FBF1: variants seen among roughly 807,000 people sequenced by gnomAD.
FBF1 encodes fas-binding factor 1.
Under a neutral mutation model 147.2 loss-of-function variants are expected in FBF1, and 119 were observed. The ratio of observed to expected loss-of-function variants is 0.81; its 90% CI spans 0.70 to 0.94. The LOEUF is 0.94. Among genes scored for constraint, FBF1 ranks in the 40% least tolerant of loss-of-function variants. FBF1 has a pLI of 0.00. For missense variants in FBF1, 1,449 were observed against 1,500.8 expected, an observed-to-expected ratio of 0.97 and a Z score of 0.57; for synonymous variants, 601 against 609.0, an observed-to-expected ratio of 0.99 and a Z score of 0.19.
At chr17:75,914,435 G>A (rs2065475371) in intron 25 of FBF1, 137 bp from the exon 26 acceptor site, 11 of 1,336,638 alleles carry the variant, frequency 8.2e-6, no homozygotes, top group Non-Finnish European at 8.0e-6. Flanking sequence ...GAGAGCCAGA[G>A]AAGCCTGGGG....
In FBF1 at chr17:75,914,286, G is replaced by A. The variant is rs368267518; in HGVS notation, c.2827C>T (p.Leu943=). The A allele has an allele frequency of 1.2e-4, 188 of 1,590,746 alleles. No homozygotes were observed. Among genetic ancestry groups the A allele is most frequent in the Non-Finnish European group, 1.4e-4 (164 of 1,173,356 alleles). Residue 943 remains leucine, a synonymous_variant, in exon 26 of 30, where the codon CTG becomes TTG. Coordinates refer to ENST00000636174, the MANE Select transcript of FBF1 (RefSeq NM_001319193.2). ...LISLAKEQAE[L]KIRASELRAE... The stretch of plus-strand genomic sequence containing the variant: ...CGGAGCTCGCTGGCCCTGATCTTCA[G>A]CTCAGCCTGCTCCTGGAGACAGCGG...
intron 6 of FBF1, 54 bp from the exon 7 acceptor site, chr17:75,930,101 C>CT: frequency 7.1e-7 from 1 of 1,410,998 alleles, no homozygotes; most frequent in Non-Finnish European, 9.8e-7. Context: ...TAGTCAAGGC[C>CT]CAATAAAACT....
In FBF1 at chr17:75,914,869, C is replaced by A; in HGVS notation, c.2692G>T (p.Ala898Ser). Reference sequence around the variant, plus strand: ...GCGGAGAACTCCGCCCACTCGGCAGCCAGGCGCCGCCGCTCCTCCCCGCAC... The same window carrying A: ...GCGGAGAACTCCGCCCACTCGGCAGACAGGCGCCGCCGCTCCTCCCCGCAC... ...LKCGEERRRL[A>S]AEWAEFSAQQ... The change falls in exon 25 of 30, where the codon GCT becomes TCT. Residue 898 changes from alanine to serine, a missense_variant. Ala to Ser is a moderately conservative substitution (Grantham distance 99, BLOSUM62 1). Transcript: ENST00000636174. The A allele has an allele frequency of 6.2e-7, 1 of 1,611,818 alleles. No individual in the cohort carries two copies. The highest frequency in any genetic ancestry group is 8.5e-7 in the Non-Finnish European group (1 of 1,179,668).
At position 75,914,142 on chromosome 17, in the gene FBF1, C is replaced by A; in HGVS notation, c.2971G>T (p.Glu991Ter). 2 of 1,602,002 alleles carry A rather than the reference C, an allele frequency of 1.2e-6. No individual in the cohort carries two copies. The highest frequency in any genetic ancestry group is 2.2e-5 in the East Asian group (1 of 44,580). ...AGCACCTTGCTCATGCTCTCCACCT[C>A]CTCGGCGCGGAGCTTGACACGCAGG... ...TALRVKLRAE[E>*]VESMSKVASE... Residue 991 changes from glutamate to a stop codon, truncating the protein, a stop_gained, in exon 26 of 30, where the codon GAG becomes TAG. Transcript: ENST00000636174. LOFTEE classifies it high-confidence loss of function.
Position 75,910,595 on chromosome 17 carries a change from G to A in FBF1, c.*128C>T, listed in dbSNP as rs370081000. 15 of 787,926 alleles carry A rather than the reference G, an allele frequency of 1.9e-5. No individual in the cohort carries two copies. Among genetic ancestry groups the A allele is most frequent in the Non-Finnish European group, 1.8e-5 (9 of 487,848 alleles). 48.8% of individuals were successfully genotyped at this position (787,926 alleles called of 1,614,324 possible). A position where few individuals can be genotyped will look rare whatever the true frequency, so the allele number is the denominator to read the frequency against. On this transcript the variant is annotated 3_prime_UTR_variant, in exon 30 of 30. Coordinates refer to ENST00000636174, the MANE Select transcript of FBF1 (RefSeq NM_001319193.2). This position sits in a 1 kb window ranked among gnomAD's most constrained non-coding sequence, Gnocchi z 4.1. ...AAGGATGCACTTGCACCCTGTCCAC[G>A]GAAGAGCTGTCATCAGGCCTCAAGC...
chr17:75,914,873 GCGC>G lies in FBF1; in HGVS notation c.2685_2687del (p.Arg896del), dbSNP rs1567857712. 1 of 1,611,808 alleles carries G rather than the reference GCGC, an allele frequency of 6.2e-7. No homozygotes were observed. Among genetic ancestry groups the G allele is most frequent in the Non-Finnish European group, 8.5e-7 (1 of 1,179,638 alleles). On this transcript the variant is annotated inframe_deletion, in exon 25 of 30. Coordinates refer to ENST00000636174, the MANE Select transcript of FBF1 (RefSeq NM_001319193.2). ...AGAACTCCGCCCACTCGGCAGCCAG[GCGC>G]CGCCGCTCCTCCCCGCACTTGAGCA...
At chr17:75,939,417 G>A (rs1386299125) in intron 1 of FBF1, among the ~76,000 whole-genome samples, 2 of 152,008 alleles carry the variant, frequency 1.3e-5, no homozygotes, top group African/African-American at 2.4e-5. Flanking sequence ...TGCAGCAAGT[G>A]GCAAGTACTC....
chr17:75,933,129 G>T, intron 4 of FBF1, 41 bp from the exon 5 acceptor site: 1 of 1,481,720 alleles, frequency 6.7e-7, no homozygotes, highest in South Asian at 1.2e-5. Flanking sequence ...TTTAACTAAA[G>T]GTACCTGGAG....
Position 75,913,815 on chromosome 17 carries a change from T to C in FBF1, c.3134A>G (p.His1045Arg), listed in dbSNP as rs1421980507. Residue 1045 changes from histidine (H) to arginine (R), a missense_variant, in exon 28 of 30, where the codon CAT (histidine) becomes CGT (arginine). Transcript: ENST00000636174. ...CAGCCTCTGCTGGGCCAGACTCAGA[T>C]GCTCCTGTCCCCGTTCCCCCAGAAA... ...RKQEQHMHQE[H>R]LSLAQQRLQL... is the part of the protein sequence containing the mutation. 2 of 1,602,980 alleles carry C rather than the reference T, an allele frequency of 1.2e-6. No individual in the cohort carries two copies. The highest frequency in any genetic ancestry group is 4.5e-5 in the East Asian group (2 of 44,652).
intron 2 of FBF1, 64 bp from the exon 3 acceptor site, chr17:75,937,657 A>G (rs568605512): frequency 6.3e-7 from 1 of 1,578,740 alleles, no homozygotes; most frequent in East Asian, 2.2e-5. Context: ...GAAATTGGCA[A>G]TGCAGAATGA....
At position 75,920,269 on chromosome 17, in the gene FBF1, C is replaced by T; in HGVS notation, c.1830+5G>A. The T allele has an allele frequency of 6.2e-7, 1 of 1,607,852 alleles. No individual in the cohort carries two copies. The highest frequency in any genetic ancestry group is 8.5e-7 in the Non-Finnish European group (1 of 1,177,056). On this transcript the variant is annotated splice_donor_5th_base_variant and intron_variant, in intron 18 of 29. Transcript: ENST00000636174. ...ACCAGCACCAACGGCCCCGCTGCCC[C>T]TCACCTGGGCCTCCAGCTCTGCCAG...
At position 75,911,248 on chromosome 17, in the gene FBF1, C is replaced by A. The variant is rs140384469; in HGVS notation, c.3364-442G>T. Among the ~76,000 whole-genome samples the A allele has an allele frequency of 1.9e-3, 287 of 152,276 alleles. 5 individuals carry two copies. The highest frequency in any genetic ancestry group is 6.6e-3 in the African/African-American group (273 of 41,538). On this transcript the variant is annotated intron_variant, in intron 29 of 29. Transcript: ENST00000636174. ...CCAGCCGAGGCAACATCGTGAGACC[C>A]CATTTCTAAATATAAATAAATAAGT...
At chr17:75,916,579 A>C (rs2065490650) in intron 23 of FBF1, among the ~76,000 whole-genome samples, 1 of 152,140 alleles carries the variant, frequency 6.6e-6, no homozygotes, top group Non-Finnish European at 1.5e-5. Flanking sequence ...TGATCACACC[A>C]CTGCACTCCA....
intron 5 of FBF1, 83 bp downstream of exon 5, chr17:75,932,912 T>A: frequency 1.3e-6 from 1 of 778,850 alleles, no homozygotes. Context: ...CGAGCAAATG[T>A]GAAGTAGAAA....
rs1487757262 is a variant in FBF1 at position 75,912,415 on chromosome 17, C to CCAT, written c.3248-111_3248-109dup. On this transcript the variant is annotated intron_variant, in intron 28 of 29. Transcript: ENST00000636174. ...CCCCCCGCCAGTGGGTGGACCCTGG[C>CCAT]CATATACTCAGGGTGCAATGGCACT... is the stretch of plus-strand genomic sequence containing the variant. 11 of 761,894 alleles carry CCAT rather than the reference C, an allele frequency of 1.4e-5. No homozygotes were observed. The East Asian group carries it at 2.9e-4, about 20-fold the overall frequency. 47.2% of individuals were successfully genotyped at this position (761,894 alleles called of 1,614,324 possible).
chr17:75,931,206 T>C (rs1460244133), intron 6 of FBF1, 23 bp downstream of exon 6: 6 of 1,562,920 alleles, frequency 3.8e-6, no homozygotes, highest in African/African-American at 1.4e-5. Flanking sequence ...AGTAGGGAGG[T>C]GGAGGGAAAC....
Position 75,926,365 on chromosome 17 carries a change from AAAC to A in FBF1, c.654_656del (p.Leu218del), listed in dbSNP as rs778245847. On this transcript the variant is annotated inframe_deletion, in exon 11 of 30. Transcript: ENST00000636174. Reference sequence around the variant, plus strand: ...TGGCCATGATGTCATCCCCATCATCAAACAACAATTCTTCTTTTTTTCGGATGG... The same window carrying A: ...TGGCCATGATGTCATCCCCATCATCAAACAATTCTTCTTTTTTTCGGATGG... 2.4e-5 allele frequency: 39 copies of A among 1,610,660 alleles called. No individual in the cohort carries two copies. The Admixed American group carries it at 4.6e-4, about 19-fold the overall frequency.
At chr17:75,940,436 G>A (rs1260295754) in intron 1 of FBF1, among the ~76,000 whole-genome samples, 1 of 151,834 alleles carries the variant, frequency 6.6e-6, no homozygotes, top group Non-Finnish European at 1.5e-5. Context: ...AATTTTTTTT[G>A]TAGAGACGGG....
At chr17:75,927,363 G>A (rs1567862332) in intron 9 of FBF1, 92 bp downstream of exon 9, 28 of 1,054,498 alleles carry the variant, frequency 2.7e-5, no homozygotes, top group Non-Finnish European at 3.9e-5. Context: ...ATGTGACATA[G>A]GCAGCAGCTG....
Sources: gnomAD v4.1 joint callset for allele counts (sites outside exome capture counted in the v4.1 genomes callset) on GRCh38, gnomAD v4.1.1 for gene constraint, Gnocchi (gnomAD v3.1) non-coding constraint, MANE v1.5 for transcripts, NCBI Gene and HGNC (gene_info 2026-07-23, HGNC 2026-07-21) for gene names.